Variants in DPP6 observed in about 807,000 individuals in gnomAD.
DPP6 encodes the protein dipeptidyl peptidase like 6, also known as A-type potassium channel modulatory protein DPP6.
DPP6 carries 69 observed loss-of-function variants against 122.6 expected under a neutral mutation model. That is an observed-to-expected ratio of 0.56 (90% CI 0.46 to 0.69). DPP6 has a LOEUF of 0.69. Ranked by LOEUF, DPP6 falls within the 30% of genes least tolerant of loss-of-function variation. The probability of loss-of-function intolerance (pLI) is 0.00; values close to 1 mark genes in which losing one functional copy is unlikely to be tolerated. For missense variants in DPP6, 928 were observed against 1,116.9 expected, an observed-to-expected ratio of 0.83 and a Z score of 2.41; for synonymous variants, 418 against 433.1, an observed-to-expected ratio of 0.97 and a Z score of 0.43.
chr7:154,460,579 T>C (rs1403868108), intron 2 of DPP6, among the ~76,000 whole-genome samples: 1 of 152,214 alleles, frequency 6.6e-6, no homozygotes, highest in Non-Finnish European at 1.5e-5. Context: ...AGCTTCCTAC[T>C]CTTTCTCTTC....
intron 16 of DPP6, among the ~76,000 whole-genome samples, chr7:154,839,458 C>G (rs1263606759): frequency 6.6e-6 from 1 of 152,230 alleles, no homozygotes; most frequent in Non-Finnish European, 1.5e-5. Flanking sequence ...TTACCACTTA[C>G]AGTTCTGTGC....
At chr7:154,416,042 C>A (rs565786382) in intron 1 of DPP6, among the ~76,000 whole-genome samples, 62 of 151,888 alleles carry the variant, frequency 4.1e-4, no homozygotes, top group Non-Finnish European at 8.2e-4. Context: ...CAACTGAGAT[C>A]CAAAAGTATT....
chr7:153,827,335 G>C, the DPP6 span, among the ~76,000 whole-genome samples: 2 of 152,184 alleles, frequency 1.3e-5, no homozygotes, highest in Admixed American at 1.3e-4. Flanking sequence ...TTGTACTTGT[G>C]CTTCTGGGTA....
At chr7:154,727,453 G>T (rs866744661) in intron 7 of DPP6, among the ~76,000 whole-genome samples, 1 of 152,216 alleles carries the variant, frequency 6.6e-6, no homozygotes, top group Non-Finnish European at 1.5e-5. Context: ...AATTTGACAT[G>T]AGATTTGGAC....
At chr7:154,432,011 G>T (rs1289100857) in intron 1 of DPP6, among the ~76,000 whole-genome samples, 1 of 152,100 alleles carries the variant, frequency 6.6e-6, no homozygotes, top group Non-Finnish European at 1.5e-5. Context: ...CAGCTCCTTG[G>T]CCTCTCCACC....
chr7:154,570,781 T>A (rs1831058831), intron 5 of DPP6, among the ~76,000 whole-genome samples: 1 of 152,222 alleles, frequency 6.6e-6, no homozygotes, highest in African/African-American at 2.4e-5. Flanking sequence ...TATGTTTTTT[T>A]GAGAGCTTTA....
At chr7:154,394,492 C>CAT (rs35837414) in intron 1 of DPP6, among the ~76,000 whole-genome samples, 134,321 of 150,762 alleles carry the variant, frequency 0.89, 60,022 homozygotes, top group Middle Eastern at 0.97. Context: ...TTCCTTATTA[C>CAT]ATATATATAT....
intron 12 of DPP6, among the ~76,000 whole-genome samples, chr7:154,801,007 C>A (rs1798326446): frequency 6.6e-6 from 1 of 151,796 alleles, no homozygotes; most frequent in Non-Finnish European, 1.5e-5. Context: ...GGAGGAAGCA[C>A]CTCCTTTTGA....
chr7:154,283,339 A>C (rs1222160808), intron 1 of DPP6, among the ~76,000 whole-genome samples: 1 of 152,228 alleles, frequency 6.6e-6, no homozygotes, highest in Non-Finnish European at 1.5e-5. Flanking sequence ...CCTATCTGTA[A>C]AGTGAGGATA....
At chr7:154,335,136 G>A (rs1216806016) in intron 1 of DPP6, among the ~76,000 whole-genome samples, 1 of 152,176 alleles carries the variant, frequency 6.6e-6, no homozygotes, top group Non-Finnish European at 1.5e-5. Context: ...AGATGAAGGT[G>A]GTGGAAAGGA....
intron 3 of DPP6, among the ~76,000 whole-genome samples, chr7:154,504,785 C>G (rs1378988204): frequency 6.8e-6 from 1 of 146,874 alleles, no homozygotes; most frequent in African/African-American, 2.5e-5. Context: ...GGAAAATATA[C>G]AGTATCAGGG....
chr7:154,267,469 CTT>C (rs1004239975), intron 1 of DPP6, among the ~76,000 whole-genome samples: 32 of 149,970 alleles, frequency 2.1e-4, no homozygotes, highest in African/African-American at 7.6e-4. Flanking sequence ...ATATTTATCT[CTT>C]ATAAACACAT....
intron 4 of DPP6, 128 bp downstream of exon 4, chr7:154,540,754 G>A (rs1333964439): frequency 5.1e-6 from 3 of 593,984 alleles, no homozygotes; most frequent in Non-Finnish European, 8.7e-6. Flanking sequence ...TAATACTACA[G>A]GCTGAGCAAC....
At chr7:154,720,077 C>T (rs1036755345) in intron 7 of DPP6, among the ~76,000 whole-genome samples, 27 of 152,164 alleles carry the variant, frequency 1.8e-4, no homozygotes, top group African/African-American at 3.9e-4. Flanking sequence ...AGGTCTGTGA[C>T]GGAGAGAGAT....
chr7:153,871,673 T>C, the DPP6 span, among the ~76,000 whole-genome samples: 2 of 152,104 alleles, frequency 1.3e-5, no homozygotes, highest in African/African-American at 4.8e-5. Context: ...ACCCACTGTC[T>C]GGCACTCCCC....
chr7:154,701,327 C>G (rs891403433), intron 7 of DPP6, among the ~76,000 whole-genome samples: 2 of 152,194 alleles, frequency 1.3e-5, no homozygotes, highest in Non-Finnish European at 2.9e-5. Context: ...GTGCTGTGCC[C>G]AGGTTTGGTC....
chr7:154,845,538 A>G (rs1801876609), intron 16 of DPP6, among the ~76,000 whole-genome samples: 1 of 152,218 alleles, frequency 6.6e-6, no homozygotes, highest in Non-Finnish European at 1.5e-5. Context: ...GAGGAGGGAT[A>G]GCATTAGGAG....
intron 1 of DPP6, among the ~76,000 whole-genome samples, chr7:153,916,391 C>T (rs1263417365): frequency 3.0e-5 from 4 of 132,742 alleles, no homozygotes; most frequent in Non-Finnish European, 4.9e-5. Flanking sequence ...CTCCTCCCCT[C>T]CCCTCTCCTC....
chr7:153,925,066 A>T (rs1048002541), intron 1 of DPP6, among the ~76,000 whole-genome samples: 13 of 152,154 alleles, frequency 8.5e-5, no homozygotes, highest in African/African-American at 3.1e-4. Flanking sequence ...CAAAGTGTGG[A>T]TGATGGAAGC....
Sources: allele counts gnomAD v4.1 joint callset (sites outside exome capture counted in the v4.1 genomes callset), GRCh38; gene constraint gnomAD v4.1.1; transcripts MANE v1.5; gene names NCBI Gene and HGNC (gene_info 2026-07-23, HGNC 2026-07-21).